TFEB: variants seen among roughly 807,000 people sequenced by gnomAD.
TFEB encodes the protein T-cell transcription factor EB.
Under a neutral mutation model 48.0 loss-of-function variants are expected in TFEB, and 12 were observed. That is an observed-to-expected ratio of 0.25 (90% CI 0.16 to 0.40). The LOEUF (loss-of-function observed/expected upper bound fraction) is 0.40. TFEB is among the 10% of genes least tolerant of loss of function. The pLI is 1.00. For missense variants in TFEB, 509 were observed against 640.3 expected (o/e 0.79, Z 2.21); for synonymous variants, 244 against 261.4 (o/e 0.93, Z 0.64).
chr6:41,717,185 G>A (rs1006746863), intron 1 of TFEB, among the ~76,000 whole-genome samples: 10 of 152,130 alleles, frequency 6.6e-5, no homozygotes, highest in Non-Finnish European at 1.0e-4. Flanking sequence ...TGGGTCCCTC[G>A]AGTCAGCTAG....
intron 1 of TFEB, chr6:41,732,901 C>T: frequency 1.0e-6 from 1 of 985,668 alleles, no homozygotes; most frequent in Non-Finnish European, 1.2e-6. Context: ...TGCCCTCCAT[C>T]CCCAGGACAA....
Position 41,734,847 on chromosome 6 carries a change from T to C in TFEB, c.-23+503A>G, listed in dbSNP as rs1771606982. The C allele has an allele frequency of 2.1e-6, 2 of 944,120 alleles. No individual in the cohort carries two copies. Among genetic ancestry groups the C allele is most frequent in the African/African-American group, 1.9e-5 (1 of 53,186 alleles). The allele number at this position is 944,120 out of a possible 1,614,324, so 58.5% of individuals were successfully genotyped here. On this transcript the variant is annotated intron_variant, in intron 1 of 8. Coordinates refer to ENST00000373033, the MANE Select transcript of TFEB (RefSeq NM_001271944.2). The surrounding 1 kb of genome is among the most constrained non-coding windows in gnomAD (Gnocchi z 4.0). ...CCGGGGCGTGGCGCCGCTCTGGCCC[T>C]CCCACTCCCCCCGCTGGCCTGGCCA... is the stretch of plus-strand genomic sequence containing the variant.
intron 1 of TFEB, among the ~76,000 whole-genome samples, chr6:41,721,064 C>T (rs1199722003): frequency 6.6e-6 from 1 of 151,892 alleles, no homozygotes; most frequent in Non-Finnish European, 1.5e-5. Context: ...CCAGGCATCA[C>T]CCCCTCTCAT....
At chr6:41,686,947 A>G in intron 7 of TFEB, 147 bp downstream of exon 7, 1 of 706,624 alleles carries the variant, frequency 1.4e-6, no homozygotes, top group Non-Finnish European at 2.5e-6. Context: ...CTGATTTGGG[A>G]GAGGGAGAGA....
chr6:41,714,009 G>A (rs566013279), intron 1 of TFEB, among the ~76,000 whole-genome samples: 8 of 152,348 alleles, frequency 5.3e-5, no homozygotes, highest in African/African-American at 1.4e-4. Context: ...TGCTGAGTCT[G>A]GGAGCACCTC....
intron 1 of TFEB, among the ~76,000 whole-genome samples, chr6:41,716,308 C>T (rs1201939705): frequency 6.6e-6 from 1 of 152,202 alleles, no homozygotes; most frequent in African/African-American, 2.4e-5. Flanking sequence ...GCTGGCTCCT[C>T]CTTCAGCGGT....
In TFEB at chr6:41,724,046, C is replaced by T. The variant is rs1310829444; in HGVS notation, c.-23+11304G>A. ...TCCCAGGGCCTCCAGACACCCAGGTCGAGGCCGTACTACAGCCCACCTTGA... is the reference window on the plus strand; with the variant it reads ...TCCCAGGGCCTCCAGACACCCAGGTTGAGGCCGTACTACAGCCCACCTTGA... On this transcript the variant is annotated intron_variant, in intron 1 of 8. Transcript: ENST00000373033. The surrounding 1 kb of genome is among the most constrained non-coding windows in gnomAD (Gnocchi z 4.4). 7.1e-6 allele frequency: 3 copies of T among 423,142 alleles called. No homozygotes were observed. Among genetic ancestry groups the T allele is most frequent in the South Asian group, 1.7e-5 (1 of 59,698 alleles). The allele number at this position is 423,142 out of a possible 1,614,324, so 26.2% of individuals were successfully genotyped here.
At chr6:41,713,910 G>T (rs144288976) in intron 1 of TFEB, among the ~76,000 whole-genome samples, 2 of 152,306 alleles carry the variant, frequency 1.3e-5, no homozygotes, top group Non-Finnish European at 2.9e-5. Context: ...AGTGGACACA[G>T]TTGGATGGCC....
In TFEB at chr6:41,734,802, C is replaced by G; in HGVS notation, c.-23+548G>C. Reference sequence around the variant, plus strand: ...GAGGGAGAGATGGTACTTCCACCCGCCCCCCCATCAGCCCAGCCCCCGGGG... The same window carrying G: ...GAGGGAGAGATGGTACTTCCACCCGGCCCCCCATCAGCCCAGCCCCCGGGG... On this transcript the variant is annotated intron_variant, in intron 1 of 8. Transcript: ENST00000373033. The surrounding 1 kb of genome is among the most constrained non-coding windows in gnomAD (Gnocchi z 4.0). The G allele has an allele frequency of 2.3e-5, 15 of 658,424 alleles. No individual in the cohort carries two copies. The highest frequency in any genetic ancestry group is 2.8e-5 in the Non-Finnish European group (15 of 531,960). 40.8% of individuals were successfully genotyped at this position (658,424 alleles called of 1,614,324 possible).
intron 1 of TFEB, among the ~76,000 whole-genome samples, chr6:41,706,497 C>T (rs1770228155): frequency 6.8e-6 from 1 of 147,088 alleles, no homozygotes; most frequent in African/African-American, 2.5e-5. Flanking sequence ...CCACCCCCAA[C>T]CACCCTTACA....
intron 1 of TFEB, among the ~76,000 whole-genome samples, chr6:41,718,000 C>T (rs542588518): frequency 1.9e-4 from 29 of 152,286 alleles, no homozygotes; most frequent in African/African-American, 6.5e-4. Context: ...ATATCACAGG[C>T]TCTGACAAGC....
Position 41,724,276 on chromosome 6 carries a change from T to C in TFEB, c.-23+11074A>G, listed in dbSNP as rs906736037. The stretch of plus-strand genomic sequence containing the variant: ...CTTTCTGGTGGCCAAGGGATTCCCA[T>C]CGTTGATAAGCAAATACCCTGTATT... On this transcript the variant is annotated intron_variant, in intron 1 of 8. Transcript: ENST00000373033. The surrounding 1 kb of genome is among the most constrained non-coding windows in gnomAD (Gnocchi z 4.4). 6.6e-6 allele frequency among the ~76,000 whole-genome samples: 1 copy of C among 152,190 alleles called. No homozygotes were observed. Among genetic ancestry groups the C allele is most frequent in the Non-Finnish European group, 1.5e-5 (1 of 68,028 alleles).
In TFEB at chr6:41,684,930, G is replaced by A. The variant is rs1768918166; in HGVS notation, c.1100C>T (p.Pro367Leu). The change falls in exon 9 of 9, where the codon CCT (proline) becomes CTT (leucine). Residue 367 changes from proline (P) to leucine (L), a missense_variant. This residue lies in a region of TFEB where 168 missense variants were observed against 161.0 expected (regional missense o/e 1.04). Transcript: ENST00000373033. ...CAGAGCTGGCAGTGGCTCAGGGTCA[G>A]GGACCTCAGCCCCCAGCATCAGGGC... ...GEALMLGAEVPDPEPLPALPP... is the reference protein window; with the variant it reads ...GEALMLGAEVLDPEPLPALPP... The A allele has an allele frequency of 6.3e-7, 1 of 1,586,634 alleles. No homozygotes were observed. Among genetic ancestry groups the A allele is most frequent in the South Asian group, 1.1e-5 (1 of 87,196 alleles).
intron 1 of TFEB, among the ~76,000 whole-genome samples, chr6:41,725,619 A>C (rs746238614): frequency 3.9e-5 from 6 of 152,216 alleles, no homozygotes; most frequent in Admixed American, 2.6e-4. Context: ...TATTACCCTG[A>C]TCTTTCAACC....
At chr6:41,735,250 CCCTCCCACCTGTCT>C (rs1771631290) in intron 1 of TFEB, 86 bp downstream of exon 1, 1 of 956,766 alleles carries the variant, frequency 1.0e-6, no homozygotes. Flanking sequence ...GCATCCCCCA[CCCTCCCACCTGTCT>C]CCGGGACCCA....
At chr6:41,689,169 G>A (rs1769166950) in intron 4 of TFEB, among the ~76,000 whole-genome samples, 1 of 152,146 alleles carries the variant, frequency 6.6e-6, no homozygotes, top group Non-Finnish European at 1.5e-5. Flanking sequence ...CAGGCTTCTT[G>A]ACTCCAAGCC....
intron 1 of TFEB, among the ~76,000 whole-genome samples, chr6:41,726,654 T>C (rs964655441): frequency 1.3e-5 from 2 of 152,200 alleles, no homozygotes; most frequent in African/African-American, 4.8e-5. Context: ...TTGGCCAGGC[T>C]GGTCTCAAAC....
chr6:41,688,183 T>G, intron 4 of TFEB, 155 bp from the exon 5 acceptor site: 1 of 870,976 alleles, frequency 1.1e-6, no homozygotes, highest in East Asian at 2.7e-5. Flanking sequence ...AACCTGAAGG[T>G]CTGCAGAGTC....
chr6:41,729,495 G>T lies in TFEB; in HGVS notation c.-23+5855C>A, dbSNP rs1195899390. ...ATTTTAAGAGCCTCCCTTCAACAAA[G>T]TGAGGGTCCTCTCTGAACACCTCCC... On this transcript the variant is annotated intron_variant, in intron 1 of 8. Coordinates refer to ENST00000373033, the MANE Select transcript of TFEB (RefSeq NM_001271944.2). 3.9e-5 allele frequency among the ~76,000 whole-genome samples: 6 copies of T among 152,212 alleles called. No homozygotes were observed. In the East Asian group the frequency reaches 9.6e-4, roughly 24 times the overall value.
Sources: allele counts gnomAD v4.1 joint callset (sites outside exome capture counted in the v4.1 genomes callset), GRCh38; gene constraint gnomAD v4.1.1; regional missense constraint gnomAD v4.1.1; non-coding constraint Gnocchi (gnomAD v3.1); transcripts MANE v1.5; gene names NCBI Gene and HGNC (gene_info 2026-07-23, HGNC 2026-07-21).